Variants in STS observed in about 807,000 individuals in gnomAD.
The protein encoded by STS is steryl-sulfatase.
Under a neutral mutation model 26.8 loss-of-function variants are expected in STS, and 7 were observed. The ratio of observed to expected loss-of-function variants is 0.26; its 90% confidence interval spans 0.15 to 0.49. STS has a LOEUF of 0.49. Ranked by LOEUF, STS falls within the 20% of genes least tolerant of loss-of-function variation. The pLI is 0.98. For missense variants in STS, 434 were observed against 465.6 expected (o/e 0.93, Z 0.63); for synonymous variants, 199 against 189.4 (o/e 1.05, Z -0.42).
At chrX:7,168,586 C>T (rs951914320) in intron 1 of STS, among the ~76,000 whole-genome samples, 2 of 111,512 alleles carry the variant, frequency 1.8e-5, no homozygotes, top group Non-Finnish European at 3.8e-5. Flanking sequence ...ATGGCTCATG[C>T]CTCCCTGCAC....
chrX:7,242,141 C>G (rs746582139), intron 2 of STS, among the ~76,000 whole-genome samples: 2 of 110,857 alleles, frequency 1.8e-5, no homozygotes, highest in Non-Finnish European at 3.8e-5. Context: ...CTAGGTCCAG[C>G]CCATACTCAA....
At chrX:7,285,534 A>T (rs1200089754) in intron 7 of STS, among the ~76,000 whole-genome samples, 1 of 112,004 alleles carries the variant, frequency 8.9e-6, no homozygotes, top group Non-Finnish European at 1.9e-5. Flanking sequence ...CATGTGCATC[A>T]TCAACATAAA....
At chrX:7,276,881 A>C (rs1331427021) in intron 7 of STS, among the ~76,000 whole-genome samples, 2 of 112,093 alleles carry the variant, frequency 1.8e-5, no homozygotes, top group East Asian at 5.6e-4. Context: ...TTCCTTACTG[A>C]AGCTTTGTTT....
chrX:7,255,468 C>A (rs1230929936), intron 3 of STS, among the ~76,000 whole-genome samples: 1 of 111,132 alleles, frequency 9.0e-6, no homozygotes, highest in East Asian at 2.8e-4. Context: ...CTGTTCCTAC[C>A]AAGATGTCTT....
intron 2 of STS, among the ~76,000 whole-genome samples, chrX:7,206,389 C>T (rs1934234632): frequency 8.9e-6 from 1 of 112,077 alleles, no homozygotes; most frequent in Non-Finnish European, 1.9e-5. Context: ...TATCATGTTC[C>T]GCATGCCCAA....
chrX:7,227,114 A>G (rs1458154587), intron 2 of STS, among the ~76,000 whole-genome samples: 2 of 111,626 alleles, frequency 1.8e-5, no homozygotes, highest in African/African-American at 6.5e-5. Context: ...GTGCATATTC[A>G]ATTGTTTTAC....
At chrX:7,303,798 C>A (rs1304267408) in intron 7 of STS, among the ~76,000 whole-genome samples, 4 of 111,629 alleles carry the variant, frequency 3.6e-5, no homozygotes, top group Non-Finnish European at 7.5e-5. Flanking sequence ...TCAGCTCCTT[C>A]TTCAAACTTC....
chrX:7,209,782 C>G (rs1241903878), intron 2 of STS, among the ~76,000 whole-genome samples: 1 of 109,590 alleles, frequency 9.1e-6, no homozygotes, highest in African/African-American at 3.3e-5. Flanking sequence ...CCGTCACCCC[C>G]ACCCCCAAAT....
intron 10 of STS, among the ~76,000 whole-genome samples, chrX:7,343,201 C>T (rs1928370968): frequency 9.0e-6 from 1 of 111,605 alleles, no homozygotes; most frequent in Non-Finnish European, 1.9e-5. Flanking sequence ...TAAATCTCGC[C>T]AAAACTACCA....
chrX:7,268,404 C>T (rs954780895), intron 6 of STS, among the ~76,000 whole-genome samples: 2 of 111,537 alleles, frequency 1.8e-5, no homozygotes, highest in African/African-American at 6.5e-5. Context: ...CAGCTGGACC[C>T]CAGTGTAAGT....
At chrX:7,321,797 G>A (rs1927045229) in intron 8 of STS, among the ~76,000 whole-genome samples, 1 of 112,018 alleles carries the variant, frequency 8.9e-6, no homozygotes. Context: ...TTTGTCCCCA[G>A]CCTAAATTCC....
At chrX:7,219,617 G>C in intron 2 of STS, 1 of 1,210,773 alleles carries the variant, frequency 8.3e-7, no homozygotes. Flanking sequence ...ATGAACAAGT[G>C]AAGTTGCAAT....
chrX:7,252,240 A>C, intron 2 of STS: 2 of 739,094 alleles, frequency 2.7e-6, no homozygotes, highest in Non-Finnish European at 3.2e-6. Flanking sequence ...TGGTTCTGGA[A>C]GTATTTGAGA....
intron 7 of STS, among the ~76,000 whole-genome samples, chrX:7,301,060 G>A (rs1343108327): frequency 9.0e-6 from 1 of 110,878 alleles, no homozygotes; most frequent in Non-Finnish European, 1.9e-5. Context: ...TGTAAGGTGG[G>A]CACTTCATAA....
In STS at chrX:7,274,223, A is replaced by G. The variant is rs188660100; in HGVS notation, c.807-1728A>G. ...ATTTAAGGAACCCACCCAAGTTCAC[A>G]GAAGTAGTTAAAGGAAGAGCTTGAA... is the stretch of plus-strand genomic sequence containing the variant. On this transcript the variant is annotated intron_variant, in intron 6 of 10. Transcript: ENST00000674429. Among the ~76,000 whole-genome samples, 560 of 111,594 alleles carry G rather than the reference A, an allele frequency of 5.0e-3. 2 individuals carry two copies. The highest frequency in any genetic ancestry group is 7.7e-3 in the Non-Finnish European group (408 of 53,156).
At chrX:7,191,044 C>T (rs1933863213) in intron 2 of STS, 36 bp downstream of exon 2, 1 of 734,309 alleles carries the variant, frequency 1.4e-6, no homozygotes, top group Non-Finnish European at 1.6e-6. Context: ...GTATCTTCGC[C>T]CTGAAACTCA....
Position 7,352,786 on chromosome X carries a change from G to A in STS, c.*2525G>A, listed in dbSNP as rs758008057. 26 of 110,531 alleles carry A rather than the reference G, an allele frequency of 2.4e-4. No individual in the cohort carries two copies. The South Asian group carries it at 4.3e-3, about 18-fold the overall frequency. 9.1% of individuals were successfully genotyped at this position (110,531 alleles called of 1,213,427 possible). On this transcript the variant is annotated 3_prime_UTR_variant, in exon 11 of 11. Transcript: ENST00000674429. ...TTAAAAGTTAAGCAAATAGATTAAT[G>A]ACGTATACATAGGCATCATTTCACA...
At chrX:7,196,880 C>T (rs1202703220) in intron 2 of STS, among the ~76,000 whole-genome samples, 5 of 111,255 alleles carry the variant, frequency 4.5e-5, no homozygotes, top group African/African-American at 9.8e-5. Context: ...GGCACCTTCT[C>T]AAAACCCAGG....
chrX:7,252,739 C>T (rs1189105265), intron 2 of STS, among the ~76,000 whole-genome samples: 1 of 111,844 alleles, frequency 8.9e-6, no homozygotes, highest in Non-Finnish European at 1.9e-5. Flanking sequence ...GTTGGGATGG[C>T]AGACATGGAC....
Sources: allele counts gnomAD v4.1 joint callset (sites outside exome capture counted in the v4.1 genomes callset), GRCh38; gene constraint gnomAD v4.1.1; transcripts MANE v1.5; gene names NCBI Gene and HGNC (gene_info 2026-07-23, HGNC 2026-07-21).